Variants in RYR3 observed in about 807,000 individuals in gnomAD.
The protein encoded by RYR3 is ryanodine receptor 3, also known as brain ryanodine receptor-calcium release channel.
RYR3 carries 207 observed loss-of-function variants against 584.3 expected under a neutral mutation model. The observed-to-expected ratio is 0.35, with a 90% CI of 0.32 to 0.40. The LOEUF (loss-of-function observed/expected upper bound fraction) is 0.40. RYR3 is among the 10% of genes least tolerant of loss of function. The pLI is 1.00. For missense variants in RYR3, 5,616 were observed against 6,089.2 expected (o/e 0.92, Z 2.59); for synonymous variants, 2,416 against 2,248.5 (o/e 1.07, Z -2.11).
chr15:33,636,555 AT>A lies in RYR3; in HGVS notation c.3556+6del. 1.3e-6 allele frequency: 2 copies of A among 1,572,134 alleles called. No homozygotes were observed. The highest frequency in any genetic ancestry group is 1.7e-4 in the Middle Eastern group (1 of 5,818). On this transcript the variant is annotated splice_donor_region_variant and intron_variant, in intron 27 of 103. Coordinates refer to ENST00000634891, the MANE Select transcript of RYR3 (RefSeq NM_001036.6). ...CTGACTACGAGATTGAGAATGGTAA[AT>A]CTAACACCCTCTGCCAACCCCAGCT...
Position 33,731,531 on chromosome 15 carries a change from G to C in RYR3, c.7261G>C (p.Val2421Leu). ...ACTAAATAGGTATATATGTTCTGCT[G>C]TGCTCCCGCTCCTCACAAGATGTGC... ...LALNRYICSA[V>L]LPLLTRCAPL... is the part of the protein sequence containing the mutation. The change falls in exon 48 of 104, where the codon GTG (valine) becomes CTG (leucine). Residue 2421 changes from valine to leucine, a missense_variant. This residue lies in a region of RYR3 where 1,280 missense variants were observed against 1,426.2 expected (regional missense o/e 0.90). Coordinates refer to ENST00000634891, the MANE Select transcript of RYR3 (RefSeq NM_001036.6). 1 of 1,613,858 alleles carries C rather than the reference G, an allele frequency of 6.2e-7. No individual in the cohort carries two copies. The highest frequency in any genetic ancestry group is 1.1e-5 in the South Asian group (1 of 91,026).
At chr15:33,380,446 T>C (rs555281222) in intron 1 of RYR3, among the ~76,000 whole-genome samples, 1 of 152,304 alleles carries the variant, frequency 6.6e-6, no homozygotes, top group South Asian at 2.1e-4. Flanking sequence ...GGGACATTTA[T>C]CTTTGAGTGA....
chr15:33,483,307 A>G lies in RYR3; in HGVS notation c.171+9769A>G, dbSNP rs2050138511. On this transcript the variant is annotated intron_variant, in intron 2 of 103. Transcript: ENST00000634891. ...CTTGAATGTCTGTAGGTCTGCTTCT[A>G]ATGACTGACTTTGCTCTTGGTTATA... Among the ~76,000 whole-genome samples, 3 of 152,262 alleles carry G rather than the reference A, an allele frequency of 2.0e-5. No individual in the cohort carries two copies. The South Asian group carries it at 6.2e-4, about 32-fold the overall frequency.
intron 85 of RYR3, 133 bp downstream of exon 85, chr15:33,827,420 A>G (rs2077435687): frequency 2.7e-6 from 2 of 733,330 alleles, no homozygotes; most frequent in South Asian, 3.6e-5. Flanking sequence ...GTGTATCCAC[A>G]GATGCATGGG....
intron 1 of RYR3, among the ~76,000 whole-genome samples, chr15:33,414,831 A>G (rs2043679256): frequency 6.6e-6 from 1 of 152,136 alleles, no homozygotes; most frequent in South Asian, 2.1e-4. Context: ...TGGCCTCGTG[A>G]TCCGCCCACC....
intron 66 of RYR3, 125 bp downstream of exon 66, chr15:33,786,107 G>GC (rs1232721032): frequency 1.3e-6 from 1 of 754,080 alleles, no homozygotes; most frequent in Non-Finnish European, 2.0e-6. Context: ...ACCTCCCCAT[G>GC]CCCACCCCAG....
chr15:33,532,138 G>C (rs903274584), intron 4 of RYR3, among the ~76,000 whole-genome samples: 1 of 152,088 alleles, frequency 6.6e-6, no homozygotes, highest in South Asian at 2.1e-4. Context: ...TCCTCTCGCA[G>C]AGAAGTAGAA....
Position 33,420,329 on chromosome 15 carries a change from T to C in RYR3, c.52-53090T>C, listed in dbSNP as rs527433822. ...TCAGAATGTCAGGGGTTTGAGTGTT[T>C]AGCAGGTGACGATGGGGTCTCAAGC... On this transcript the variant is annotated intron_variant, in intron 1 of 103. Coordinates refer to ENST00000634891, the MANE Select transcript of RYR3 (RefSeq NM_001036.6). Among the ~76,000 whole-genome samples, 94 of 152,300 alleles carry C rather than the reference T, an allele frequency of 6.2e-4. No homozygotes were observed. The South Asian group carries it at 8.9e-3, about 14-fold the overall frequency.
At chr15:33,528,710 C>T (rs1428387629) in intron 3 of RYR3, among the ~76,000 whole-genome samples, 1 of 152,148 alleles carries the variant, frequency 6.6e-6, no homozygotes, top group Non-Finnish European at 1.5e-5. Context: ...AGTGTGTGCC[C>T]AATGGTAGTA....
At chr15:33,765,525 C>T (rs1373207747) in intron 60 of RYR3, among the ~76,000 whole-genome samples, 3 of 149,146 alleles carry the variant, frequency 2.0e-5, no homozygotes, top group African/African-American at 7.4e-5. Flanking sequence ...CCCAGCTACT[C>T]AGGAGGCTGA....
chr15:33,546,197 T>A (rs2056224791), intron 8 of RYR3, among the ~76,000 whole-genome samples: 1 of 152,164 alleles, frequency 6.6e-6, no homozygotes, highest in Non-Finnish European at 1.5e-5. Context: ...ATCCTTCAGA[T>A]GTCAGGGGTA....
intron 94 of RYR3, chr15:33,852,396 A>C (rs1419682733): frequency 6.6e-6 from 1 of 152,232 alleles, no homozygotes; most frequent in Non-Finnish European, 1.5e-5. Context: ...GAGAGAAGAA[A>C]GATCATCTCT....
At chr15:33,643,680 A>G (rs1347222169) in intron 27 of RYR3, among the ~76,000 whole-genome samples, 1 of 152,214 alleles carries the variant, frequency 6.6e-6, no homozygotes, top group Non-Finnish European at 1.5e-5. Context: ...CTCTCATGTC[A>G]CTGGGGAAGA....
At chr15:33,367,587 G>T (rs888585866) in intron 1 of RYR3, among the ~76,000 whole-genome samples, 2 of 152,204 alleles carry the variant, frequency 1.3e-5, no homozygotes, top group Non-Finnish European at 2.9e-5. Flanking sequence ...CCAGGCTTTG[G>T]CTAGATGAGA....
Position 33,663,742 on chromosome 15 carries a change from G to C in RYR3, c.5619+5G>C. ...CGCTCACCCCCACAGGAGCAGGTGA[G>C]GGTCCTTCCTGAGCCTCTGTCCAGT... On this transcript the variant is annotated splice_donor_5th_base_variant and intron_variant, in intron 36 of 103. Transcript: ENST00000634891. The C allele has an allele frequency of 2.5e-6, 4 of 1,598,466 alleles. No individual in the cohort carries two copies. Among genetic ancestry groups the C allele is most frequent in the Non-Finnish European group, 3.4e-6 (4 of 1,173,264 alleles).
chr15:33,440,853 C>A (rs988985437), intron 1 of RYR3, among the ~76,000 whole-genome samples: 4 of 141,658 alleles, frequency 2.8e-5, no homozygotes, highest in Non-Finnish European at 6.3e-5. Context: ...CATGTTAATA[C>A]ATGCATTTTC....
intron 38 of RYR3, among the ~76,000 whole-genome samples, chr15:33,693,151 G>T (rs192992253): frequency 6.6e-6 from 1 of 152,210 alleles, no homozygotes; most frequent in African/African-American, 2.4e-5. Context: ...CTTAAATTGG[G>T]TCCAAGAGTC....
chr15:33,438,193 A>G (rs1251100550), intron 1 of RYR3, among the ~76,000 whole-genome samples: 3 of 152,116 alleles, frequency 2.0e-5, no homozygotes, highest in African/African-American at 7.2e-5. Flanking sequence ...GCAATTTTGA[A>G]GTAAATTATA....
chr15:33,379,685 CTCTATA>C (rs888223765), intron 1 of RYR3, among the ~76,000 whole-genome samples: 9 of 117,874 alleles, frequency 7.6e-5, no homozygotes, highest in Middle Eastern at 4.5e-3. Context: ...CTCTCTCTCT[CTCTATA>C]TATATATATA....
Sources: gnomAD v4.1 joint callset for allele counts (sites outside exome capture counted in the v4.1 genomes callset) on GRCh38, gnomAD v4.1.1 for gene constraint, gnomAD v4.1.1 regional missense constraint, MANE v1.5 for transcripts, NCBI Gene and HGNC (gene_info 2026-07-23, HGNC 2026-07-21) for gene names.